The following IL3 variants were observed in gnomAD, a reference collection of about 807,000 sequenced individuals.
The protein encoded by IL3 is interleukin-3.
Under a neutral mutation model 15.4 loss-of-function variants are expected in IL3, and 15 were observed. The observed-to-expected ratio is 0.97, with a 90% CI of 0.65 to 1.50. The LOEUF (loss-of-function observed/expected upper bound fraction) is 1.50. Among genes scored for constraint, IL3 ranks in the 40% most tolerant of loss-of-function variants. The probability of loss-of-function intolerance (pLI) is 0.00; values close to 1 mark genes in which losing one functional copy is unlikely to be tolerated. For missense variants in IL3, 162 were observed against 192.2 expected, an observed-to-expected ratio of 0.84 and a Z score of 0.93; for synonymous variants, 74 against 79.3, an observed-to-expected ratio of 0.93 and a Z score of 0.36.
chr5:132,062,226 G>T, intron 2 of IL3, 86 bp from the exon 3 acceptor site: 1 of 1,090,500 alleles, frequency 9.2e-7, no homozygotes. Context: ...CAGTGGGCTT[G>T]GGAAACTGTG....
chr5:132,062,777 C>T lies in IL3; in HGVS notation c.445C>T (p.Leu149Phe). 1 of 1,613,574 alleles carries T rather than the reference C, an allele frequency of 6.2e-7. No homozygotes were observed. The change falls in exon 5 of 5, where the codon CTC becomes TTC. Residue 149 changes from leucine (L) to phenylalanine (F), a missense_variant. Physicochemically the swap from Leu to Phe is conservative, Grantham distance 22. Coordinates refer to ENST00000296870, the MANE Select transcript of IL3 (RefSeq NM_000588.4). ...NAQAQQTTLS[L>F]AIF Reference sequence around the variant, plus strand: ...GCAGGCTCAACAGACGACTTTGAGCCTCGCGATCTTTTGAGTCCAACGTCC... The same window carrying T: ...GCAGGCTCAACAGACGACTTTGAGCTTCGCGATCTTTTGAGTCCAACGTCC...
chr5:132,062,121 G>A (rs138560325), intron 2 of IL3, among the ~76,000 whole-genome samples, 191 bp from the exon 3 acceptor site: 116 of 152,308 alleles, frequency 7.6e-4, no homozygotes, highest in African/African-American at 2.7e-3. Flanking sequence ...AGGAAACCAG[G>A]TCCTGCCTGC....
At chr5:132,062,255 T>C in intron 2 of IL3, 57 bp from the exon 3 acceptor site, 1 of 1,372,262 alleles carries the variant, frequency 7.3e-7, no homozygotes, top group Non-Finnish European at 1.0e-6. Flanking sequence ...TTCCACCTGC[T>C]TGTGGGAGGG....
rs143720795 is a variant in IL3 at position 132,062,749 on chromosome 5, T to A, written c.417T>A (p.Asn139Lys). Residue 139 changes from asparagine to lysine, a missense_variant, in exon 5 of 5, where the codon AAT becomes AAA. Transcript: ENST00000296870. ...KLTFYLKTLE[N>K]AQAQQTTLSL... ...CGTTCTATCTGAAAACCCTTGAGAA[T>A]GCGCAGGCTCAACAGACGACTTTGA... The A allele has an allele frequency of 7.1e-5, 115 of 1,614,198 alleles. No individual in the cohort carries two copies. In the African/African-American group the frequency reaches 1.4e-3, roughly 19 times the overall value.
At position 132,061,020 on chromosome 5, in the gene IL3, G is replaced by A. The variant is rs1481098677; in HGVS notation, c.204+12G>A. 6.2e-7 allele frequency: 1 copy of A among 1,613,670 alleles called. No individual in the cohort carries two copies. Among genetic ancestry groups the A allele is most frequent in the Non-Finnish European group, 8.5e-7 (1 of 1,179,700 alleles). Reference sequence around the variant, plus strand: ...AAGACATTCTGATGGTAAGAGCTCAGCCCGTGGATCCCGATCCACTTCCTG... The same window carrying A: ...AAGACATTCTGATGGTAAGAGCTCAACCCGTGGATCCCGATCCACTTCCTG... On this transcript the variant is annotated intron_variant, in intron 2 of 4. Transcript: ENST00000296870.
intron 3 of IL3, 24 bp from the exon 4 acceptor site, chr5:132,062,502 A>T: frequency 6.2e-7 from 1 of 1,614,142 alleles, no homozygotes; most frequent in Non-Finnish European, 8.5e-7. Context: ...ATCTCTGACC[A>T]TCTGCTTTGG....
In IL3 at chr5:132,060,800, T is replaced by C; in HGVS notation, c.94T>C (p.Trp32Arg). 14 of 1,614,240 alleles carry C rather than the reference T, an allele frequency of 8.7e-6. No homozygotes were observed. Among genetic ancestry groups the C allele is most frequent in the Non-Finnish European group, 1.2e-5 (14 of 1,180,046 alleles). ...CCAGACAACGCCCTTGAAGACAAGC[T>C]GGGTTAACTGCTCTAACATGATCGA... ...MTQTTPLKTS[W>R]VNCSNMIDEI... The change falls in exon 1 of 5, where the codon TGG becomes CGG. Residue 32 changes from tryptophan to arginine, a missense_variant. Coordinates refer to ENST00000296870, the MANE Select transcript of IL3 (RefSeq NM_000588.4).
At position 132,062,339 on chromosome 5, in the gene IL3, G is replaced by T. The variant is rs781733422; in HGVS notation, c.232G>T (p.Glu78Ter). The part of the protein sequence containing the change: ...MENNLRRPNL[E>*]AFNRAVKSLQ... ...AAATAACCTTCGAAGGCCAAACCTG[G>T]AGGCATTCAACAGGGCTGTCAAGAG... Residue 78 changes from glutamate to a stop codon, truncating the protein, a stop_gained, in exon 3 of 5, where the codon GAG becomes TAG. Transcript: ENST00000296870. LOFTEE classifies it high-confidence loss of function. 1.2e-6 allele frequency: 2 copies of T among 1,614,148 alleles called. No homozygotes were observed. The highest frequency in any genetic ancestry group is 1.7e-6 in the Non-Finnish European group (2 of 1,179,980).
intron 2 of IL3, among the ~76,000 whole-genome samples, chr5:132,061,448 T>C (rs1756476169): frequency 6.6e-6 from 1 of 152,218 alleles, no homozygotes; most frequent in African/African-American, 2.4e-5. Context: ...TGGTTCCAGT[T>C]GGTTGCAGTT....
chr5:132,062,160 CA>C (rs1431090115), intron 2 of IL3, 151 bp from the exon 3 acceptor site: 1 of 706,342 alleles, frequency 1.4e-6, no homozygotes, highest in Non-Finnish European at 2.5e-6. Flanking sequence ...TGCCCTTGGG[CA>C]GGGACCCACC....
In IL3 at chr5:132,062,724, C is replaced by T. The variant is rs767113880; in HGVS notation, c.392C>T (p.Thr131Met). The T allele has an allele frequency of 3.1e-6, 5 of 1,614,064 alleles. No individual in the cohort carries two copies. Among genetic ancestry groups the T allele is most frequent in the Non-Finnish European group, 3.4e-6 (4 of 1,180,008 alleles). ...GDWNEFRRKL[T>M]FYLKTLENAQ... ...TGGAATGAATTCCGGAGGAAACTGA[C>T]GTTCTATCTGAAAACCCTTGAGAAT... Residue 131 changes from threonine (T) to methionine (M), a missense_variant, in exon 5 of 5, where the codon ACG (threonine) becomes ATG (methionine). By Grantham distance (81) the Thr-to-Met change is moderately conservative. Coordinates refer to ENST00000296870, the MANE Select transcript of IL3 (RefSeq NM_000588.4).
intron 2 of IL3, among the ~76,000 whole-genome samples, chr5:132,061,423 TAC>T (rs1756475891): frequency 6.6e-6 from 1 of 152,232 alleles, no homozygotes; most frequent in Non-Finnish European, 1.5e-5. Context: ...CATTATCATT[TAC>T]AGTTATTTTT....
chr5:132,061,112 TTAA>T lies in IL3; in HGVS notation c.204+107_204+109del, dbSNP rs1161740136. The T allele has an allele frequency of 3.0e-6, 3 of 985,324 alleles. No homozygotes were observed. In the African/African-American group the frequency reaches 4.8e-5, roughly 16 times the overall value. The allele number at this position is 985,324 out of a possible 1,614,324, so 61.0% of individuals were successfully genotyped here. Reference sequence around the variant, plus strand: ...TGCTTTCTTCATCTGTAAAATAGGGTTAATAGCACCTATCTCAGTGGGATTGTT... The same window carrying T: ...TGCTTTCTTCATCTGTAAAATAGGGTTAGCACCTATCTCAGTGGGATTGTT... On this transcript the variant is annotated intron_variant, in intron 2 of 4. Coordinates refer to ENST00000296870, the MANE Select transcript of IL3 (RefSeq NM_000588.4).
Position 132,061,831 on chromosome 5 carries a change from C to T in IL3, c.205-481C>T, listed in dbSNP as rs186913244. 3.5e-4 allele frequency among the ~76,000 whole-genome samples: 53 copies of T among 149,802 alleles called. 1 individual carries two copies. The highest frequency in any genetic ancestry group is 6.8e-3 in the Middle Eastern group (2 of 294). ...TTGCCCAGGCTGGAGTGCAGTGGCA[C>T]GATCTCAGCTCACTGCTACCTCTGC... On this transcript the variant is annotated intron_variant, in intron 2 of 4. Transcript: ENST00000296870.
chr5:132,062,215 A>G, intron 2 of IL3, 97 bp from the exon 3 acceptor site: 20 of 998,832 alleles, frequency 2.0e-5, no homozygotes, highest in Admixed American at 3.5e-5. Flanking sequence ...GATGTCCCCA[A>G]CAGTGGGCTT....
Position 132,060,859 on chromosome 5 carries a change from G to A in IL3, c.153G>A (p.Leu51=), listed in dbSNP as rs753900453. The A allele has an allele frequency of 5.6e-6, 9 of 1,613,988 alleles. No homozygotes were observed. In the Admixed American group the frequency reaches 1.2e-4, roughly 21 times the overall value. ...TAACACACTTAAAGCAGCCACCTTTGCCTTTGCTGGTGAGTAGCTTGGATA... is the reference window on the plus strand; with the variant it reads ...TAACACACTTAAAGCAGCCACCTTTACCTTTGCTGGTGAGTAGCTTGGATA... ...EIITHLKQPP[L]PLLDFNNLNG... Residue 51 remains leucine (L), a synonymous_variant, in exon 1 of 5, where the codon TTG becomes TTA. Transcript: ENST00000296870.
rs143720795 is a variant in IL3 at position 132,062,749 on chromosome 5, T to C, written c.417T>C (p.Asn139=). Residue 139 remains asparagine (N), a synonymous_variant, in exon 5 of 5, where the codon AAT becomes AAC. Transcript: ENST00000296870. ...CGTTCTATCTGAAAACCCTTGAGAA[T>C]GCGCAGGCTCAACAGACGACTTTGA... is the stretch of plus-strand genomic sequence containing the variant. The part of the protein sequence containing the change: ...KLTFYLKTLE[N]AQAQQTTLSL... The C allele has an allele frequency of 2.5e-6, 4 of 1,614,080 alleles. No homozygotes were observed. The Admixed American group carries it at 6.7e-5, about 27-fold the overall frequency.
rs61141261 is a variant in IL3, at chr5:132,062,464, G to C, written c.295-62G>C. ...GGCCCTGCCCTGCCTCTGGGGAGGA[G>C]AGCAGGGCCCACTCCCTTTCCAAGG... On this transcript the variant is annotated intron_variant, in intron 3 of 4. Coordinates refer to ENST00000296870, the MANE Select transcript of IL3 (RefSeq NM_000588.4). 2.4e-3 allele frequency: 3,837 copies of C among 1,612,864 alleles called. 68 individuals carry two copies. The African/African-American group carries it at 0.043, about 18-fold the overall frequency.
Position 132,061,049 on chromosome 5 carries a change from G to C in IL3, c.204+41G>C, listed in dbSNP as rs188641866. The C allele has an allele frequency of 1.1e-5, 18 of 1,599,272 alleles. No individual in the cohort carries two copies. The Admixed American group carries it at 2.5e-4, about 22-fold the overall frequency. On this transcript the variant is annotated intron_variant, in intron 2 of 4. Coordinates refer to ENST00000296870, the MANE Select transcript of IL3 (RefSeq NM_000588.4). Reference sequence around the variant, plus strand: ...GTGGATCCCGATCCACTTCCTGCCTGGGTGACTTCAGCCATGTCATTCCAT... The same window carrying C: ...GTGGATCCCGATCCACTTCCTGCCTCGGTGACTTCAGCCATGTCATTCCAT...
Sources: gnomAD v4.1 joint callset for allele counts (sites outside exome capture counted in the v4.1 genomes callset) on GRCh38, gnomAD v4.1.1 for gene constraint, MANE v1.5 for transcripts, NCBI Gene and HGNC (gene_info 2026-07-23, HGNC 2026-07-21) for gene names.